CDH20: variants seen among roughly 807,000 people sequenced by gnomAD.
CDH20 encodes the protein cadherin 20, also known as cadherin-20.
Under a neutral mutation model 74.2 loss-of-function variants are expected in CDH20, and 29 were observed. The ratio of observed to expected loss-of-function variants is 0.39; its 90% CI spans 0.29 to 0.53. CDH20 has a LOEUF of 0.53. Among genes scored for constraint, CDH20 ranks in the 20% least tolerant of loss-of-function variants. The pLI is 0.69. For synonymous variants in CDH20, 469 were observed against 405.4 expected (o/e 1.16, Z -1.88); for missense variants, 988 against 1,048.3 (o/e 0.94, Z 0.79).
intron 6 of CDH20, among the ~76,000 whole-genome samples, chr18:61,508,203 T>A (rs1180026308): frequency 1.3e-5 from 2 of 152,226 alleles, no homozygotes; most frequent in Admixed American, 6.5e-5. Flanking sequence ...AGTAAATATA[T>A]ATCTAATGAA....
chr18:61,545,266 A>G, intron 10 of CDH20, 122 bp downstream of exon 10: 1 of 699,894 alleles, frequency 1.4e-6, no homozygotes, highest in Non-Finnish European at 2.5e-6. Flanking sequence ...GAGGATGTTA[A>G]TAATTCAGTG....
At chr18:61,441,189 A>G (rs937356578) in intron 1 of CDH20, among the ~76,000 whole-genome samples, 1 of 152,162 alleles carries the variant, frequency 6.6e-6, no homozygotes, top group East Asian at 1.9e-4. Context: ...TCACCTTTGT[A>G]TAACTCACTT....
At chr18:61,360,882 C>G (rs954632421) in intron 1 of CDH20, among the ~76,000 whole-genome samples, 1 of 152,200 alleles carries the variant, frequency 6.6e-6, no homozygotes, top group Admixed American at 6.5e-5. Context: ...TTCAATACTT[C>G]CTCTTTCTGT....
intron 1 of CDH20, among the ~76,000 whole-genome samples, chr18:61,488,085 T>TAC (rs1910830038): frequency 6.6e-6 from 1 of 150,974 alleles, no homozygotes; most frequent in African/African-American, 2.4e-5. Flanking sequence ...TACATACATA[T>TAC]ATATATATAT....
At chr18:61,454,896 T>C (rs1022529457) in intron 1 of CDH20, among the ~76,000 whole-genome samples, 2 of 152,206 alleles carry the variant, frequency 1.3e-5, no homozygotes, top group Admixed American at 6.5e-5. Flanking sequence ...ATTATTTGCA[T>C]GGTGCCTTGG....
At chr18:61,460,952 A>T (rs1909746252) in intron 1 of CDH20, among the ~76,000 whole-genome samples, 1 of 152,322 alleles carries the variant, frequency 6.6e-6, no homozygotes, top group East Asian at 1.9e-4. Flanking sequence ...TCTTATTTAG[A>T]ATATCTCAGG....
At chr18:61,398,460 A>T (rs1184024078) in intron 1 of CDH20, among the ~76,000 whole-genome samples, 1 of 152,232 alleles carries the variant, frequency 6.6e-6, no homozygotes, top group Non-Finnish European at 1.5e-5. Flanking sequence ...ATTAAATGAT[A>T]AGCCAAGTAT....
intron 1 of CDH20, among the ~76,000 whole-genome samples, chr18:61,466,627 G>T (rs117376949): frequency 0.013 from 1,938 of 152,266 alleles, 18 homozygotes; most frequent in Middle Eastern, 0.031. Flanking sequence ...TCCACAACTT[G>T]AGGCCAGCTT....
At chr18:61,519,941 T>A (rs1912134197) in intron 6 of CDH20, among the ~76,000 whole-genome samples, 7 of 59,002 alleles carry the variant, frequency 1.2e-4, no homozygotes, top group Admixed American at 2.6e-4. Context: ...ACCAAGCAAA[T>A]GGAAAGCAAA....
intron 1 of CDH20, among the ~76,000 whole-genome samples, chr18:61,438,446 C>A (rs771918258): frequency 2.0e-5 from 3 of 152,110 alleles, no homozygotes; most frequent in Non-Finnish European, 4.4e-5. Context: ...GACAGACAGG[C>A]AGAGGTTACC....
intron 1 of CDH20, among the ~76,000 whole-genome samples, chr18:61,357,846 T>C (rs1910542610): frequency 3.9e-5 from 6 of 152,132 alleles, no homozygotes; most frequent in Admixed American, 3.9e-4. Flanking sequence ...CTTTCTGACT[T>C]CATCTCGTGA....
intron 1 of CDH20, among the ~76,000 whole-genome samples, chr18:61,336,764 G>A (rs1227827375): frequency 6.8e-6 from 1 of 146,904 alleles, no homozygotes. Context: ...AAAACGTAAA[G>A]AGACACGGAA....
rs539075603 is a variant in CDH20, at chr18:61,411,187, G to C, written c.-153+77360G>C. Among the ~76,000 whole-genome samples the C allele has an allele frequency of 1.9e-3, 190 of 100,790 alleles. 1 individual carries two copies. The highest frequency in any genetic ancestry group is 4.5e-3 in the Middle Eastern group (1 of 222). 66.1% of individuals were successfully genotyped at this position (100,790 alleles called of 152,430 possible). On this transcript the variant is annotated intron_variant, in intron 1 of 11. Transcript: ENST00000262717. ...CACTCCCGCCTGGGTGACAGAGCAA[G>C]ACTCTGTCTGAAAAAAAAAAAAAAT...
chr18:61,500,951 T>C (rs1256362282), intron 4 of CDH20, among the ~76,000 whole-genome samples: 1 of 152,128 alleles, frequency 6.6e-6, no homozygotes, highest in Non-Finnish European at 1.5e-5. Flanking sequence ...GATAAAGCAA[T>C]TGGGAAATTG....
chr18:61,554,331 C>T lies in CDH20; in HGVS notation c.2042C>T (p.Ala681Val). The T allele has an allele frequency of 1.2e-6, 2 of 1,613,670 alleles. No individual in the cohort carries two copies. The highest frequency in any genetic ancestry group is 1.7e-6 in the Non-Finnish European group (2 of 1,179,948). The change falls in exon 12 of 12, where the codon GCG becomes GTG. Residue 681 changes from alanine to valine, a missense_variant. By Grantham distance (64) the Ala-to-Val change is moderately conservative. Coordinates refer to ENST00000262717, the MANE Select transcript of CDH20 (RefSeq NM_031891.4). ...GAGGACACCGAGGCCTTCGACATCGCGGCCATGTGGAACCCCCGGGAGGCG... is the reference window on the plus strand; with the variant it reads ...GAGGACACCGAGGCCTTCGACATCGTGGCCATGTGGAACCCCCGGGAGGCG... ...GEEDTEAFDI[A>V]AMWNPREAQA...
chr18:61,486,393 C>T (rs946437886), intron 1 of CDH20, among the ~76,000 whole-genome samples: 5 of 152,144 alleles, frequency 3.3e-5, no homozygotes, highest in East Asian at 1.9e-4. Flanking sequence ...CTGAAATACA[C>T]GAACAACTTT....
At chr18:61,439,045 C>T (rs1273514237) in intron 1 of CDH20, among the ~76,000 whole-genome samples, 1 of 152,002 alleles carries the variant, frequency 6.6e-6, no homozygotes, top group Non-Finnish European at 1.5e-5. Context: ...GGGGGCAAAA[C>T]ATTGGGTAAC....
intron 1 of CDH20, among the ~76,000 whole-genome samples, chr18:61,360,522 A>T (rs1910652845): frequency 6.6e-6 from 1 of 151,384 alleles, no homozygotes; most frequent in African/African-American, 2.4e-5. Context: ...GAGCCCAGGC[A>T]GGAGGCGAGG....
intron 1 of CDH20, among the ~76,000 whole-genome samples, chr18:61,416,498 CCTT>C (rs1912688723): frequency 1.3e-5 from 2 of 152,168 alleles, no homozygotes; most frequent in African/African-American, 4.8e-5. Flanking sequence ...GGACAAGTAT[CCTT>C]CTACTTTTCT....
Sources: gnomAD v4.1 joint callset for allele counts (sites outside exome capture counted in the v4.1 genomes callset) on GRCh38, gnomAD v4.1.1 for gene constraint, MANE v1.5 for transcripts, NCBI Gene and HGNC (gene_info 2026-07-23, HGNC 2026-07-21) for gene names.